The following DDX10 variants were observed in gnomAD, a reference collection of about 807,000 sequenced individuals.
DDX10 encodes the protein DEAD-box helicase 10, also known as probable ATP-dependent RNA helicase DDX10.
DDX10 carries 74 observed loss-of-function variants against 104.3 expected under a neutral mutation model. The observed-to-expected ratio is 0.71, with a 90% CI of 0.59 to 0.86. The LOEUF (loss-of-function observed/expected upper bound fraction) is 0.86. DDX10 is among the 40% of genes least tolerant of loss of function. The probability of loss-of-function intolerance (pLI) is 0.00; values close to 1 mark genes in which losing one functional copy is unlikely to be tolerated. For synonymous variants in DDX10, 351 were observed against 353.4 expected (o/e 0.99, Z 0.08); for missense variants, 952 against 1,040.0 (o/e 0.92, Z 1.16).
chr11:108,735,054 TTTAAA>T (rs1190678655), intron 13 of DDX10, among the ~76,000 whole-genome samples: 1 of 152,188 alleles, frequency 6.6e-6, no homozygotes, highest in African/African-American at 2.4e-5. Context: ...TTTCAACACT[TTTAAA>T]TTGTCCAAGC....
Position 108,877,126 on chromosome 11 carries a change from T to A in DDX10, c.2304+24917T>A, listed in dbSNP as rs770555531. Among the ~76,000 whole-genome samples the A allele has an allele frequency of 1.5e-3, 225 of 152,336 alleles. 4 individuals are homozygous for A. The Middle Eastern group carries it at 0.031, about 21-fold the overall frequency. On this transcript the variant is annotated intron_variant, in intron 16 of 17. Transcript: ENST00000322536. ...AAAACTCTGAATATATAGCCCCCATTGTGAAAAGCAAAAATGGATGAAATC... is the reference window on the plus strand; with the variant it reads ...AAAACTCTGAATATATAGCCCCCATAGTGAAAAGCAAAAATGGATGAAATC...
chr11:108,768,211 G>T (rs1183791916), intron 13 of DDX10, among the ~76,000 whole-genome samples: 1 of 152,164 alleles, frequency 6.6e-6, no homozygotes, highest in African/African-American at 2.4e-5. Flanking sequence ...TTGACTGCCT[G>T]CCTGGGGTGG....
chr11:108,831,878 T>A (rs978163092), intron 13 of DDX10, among the ~76,000 whole-genome samples: 4 of 152,158 alleles, frequency 2.6e-5, no homozygotes, highest in African/African-American at 9.6e-5. Flanking sequence ...CCAGATTATT[T>A]CCAGTAACTT....
chr11:108,732,169 G>A (rs2094313139), intron 13 of DDX10, among the ~76,000 whole-genome samples: 1 of 152,094 alleles, frequency 6.6e-6, no homozygotes, highest in South Asian at 2.1e-4. Flanking sequence ...TTATAATTAA[G>A]ACCATAATTA....
At chr11:108,746,090 A>G (rs986499412) in intron 13 of DDX10, among the ~76,000 whole-genome samples, 6 of 152,178 alleles carry the variant, frequency 3.9e-5, no homozygotes, top group African/African-American at 1.4e-4. Flanking sequence ...CCTTTCAGAC[A>G]TAAATAACCA....
At chr11:108,742,538 C>G (rs576695437) in intron 13 of DDX10, among the ~76,000 whole-genome samples, 1 of 152,182 alleles carries the variant, frequency 6.6e-6, no homozygotes, top group Non-Finnish European at 1.5e-5. Context: ...GCATGCCAGC[C>G]TGGGCAACAG....
chr11:108,831,313 A>G lies in DDX10; in HGVS notation c.1966-7133A>G, dbSNP rs1167419804. On this transcript the variant is annotated intron_variant, in intron 13 of 17. Coordinates refer to ENST00000322536, the MANE Select transcript of DDX10 (RefSeq NM_004398.4). ...CAGCTATTCGTGAGGCTGAGGCAGG[A>G]GAATCGCTTGAACCCAGGAAGCGGA... Among the ~76,000 whole-genome samples the G allele has an allele frequency of 5.3e-5, 8 of 150,682 alleles. No homozygotes were observed. In the Admixed American group the frequency reaches 5.3e-4, roughly 10 times the overall value.
chr11:108,890,436 T>C (rs1340760245), intron 16 of DDX10, among the ~76,000 whole-genome samples: 2 of 152,136 alleles, frequency 1.3e-5, no homozygotes, highest in African/African-American at 2.4e-5. Flanking sequence ...CGGCTATTCC[T>C]ATTCCAGAGC....
At chr11:108,924,843 T>A (rs1272646819) in intron 17 of DDX10, among the ~76,000 whole-genome samples, 1 of 152,254 alleles carries the variant, frequency 6.6e-6, no homozygotes, top group Non-Finnish European at 1.5e-5. Context: ...AAAGAGCTTT[T>A]TCTTAGTCTA....
intron 13 of DDX10, among the ~76,000 whole-genome samples, chr11:108,802,225 C>G (rs1357515367): frequency 6.6e-5 from 10 of 151,962 alleles, no homozygotes; most frequent in Admixed American, 6.6e-4. Context: ...TTATATTTAC[C>G]AGTTCAGCAT....
intron 11 of DDX10, among the ~76,000 whole-genome samples, chr11:108,719,365 C>T (rs539021912): frequency 6.6e-6 from 1 of 152,206 alleles, no homozygotes; most frequent in African/African-American, 2.4e-5. Flanking sequence ...ATTTTATTCT[C>T]ATAACACTCT....
chr11:108,864,176 C>T (rs940242590), intron 16 of DDX10, among the ~76,000 whole-genome samples: 4 of 152,002 alleles, frequency 2.6e-5, no homozygotes, highest in Non-Finnish European at 4.4e-5. Context: ...TATACGTTGC[C>T]TTTTTAGGCA....
intron 13 of DDX10, among the ~76,000 whole-genome samples, chr11:108,814,244 G>T (rs1398082943): frequency 6.6e-6 from 1 of 152,116 alleles, no homozygotes; most frequent in Non-Finnish European, 1.5e-5. Flanking sequence ...ACATGGCCTT[G>T]TCTAGTTTTA....
At position 108,677,153 on chromosome 11, in the gene DDX10, T is replaced by C. The variant is rs1467226224; in HGVS notation, c.447T>C (p.Pro149=). ...TDGLGVLIIS[P]TRELAYQTFE... ...GGCTGGGGGTTCTCATAATATCACC[T>C]ACGAGAGAACTGGCCTATCAGACCT... Residue 149 remains proline, a synonymous_variant, in exon 4 of 18, where the codon CCT becomes CCC. Coordinates refer to ENST00000322536, the MANE Select transcript of DDX10 (RefSeq NM_004398.4). 1 of 1,613,896 alleles carries C rather than the reference T, an allele frequency of 6.2e-7. No individual in the cohort carries two copies. The highest frequency in any genetic ancestry group is 8.5e-7 in the Non-Finnish European group (1 of 1,179,898).
At chr11:108,825,974 A>G (rs1485542674) in intron 13 of DDX10, among the ~76,000 whole-genome samples, 1 of 152,236 alleles carries the variant, frequency 6.6e-6, no homozygotes, top group Non-Finnish European at 1.5e-5. Context: ...GATTTTCTAG[A>G]TATAATTCAT....
chr11:108,805,251 A>G (rs1485986235), intron 13 of DDX10, among the ~76,000 whole-genome samples: 1 of 152,262 alleles, frequency 6.6e-6, no homozygotes, highest in Non-Finnish European at 1.5e-5. Flanking sequence ...GGTCTATCTC[A>G]TGAGACTAAG....
rs1222114146 is a variant in DDX10 at position 108,833,923 on chromosome 11, T to C, written c.1966-4523T>C. ...AACGCCCAACATTCCACCATTCATA[T>C]TCTACAGTTAACCTTTTACTGTATT... is the stretch of plus-strand genomic sequence containing the variant. On this transcript the variant is annotated intron_variant, in intron 13 of 17. Coordinates refer to ENST00000322536, the MANE Select transcript of DDX10 (RefSeq NM_004398.4). Among the ~76,000 whole-genome samples the C allele has an allele frequency of 2.0e-5, 3 of 152,170 alleles. No homozygotes were observed. The East Asian group carries it at 5.8e-4, about 29-fold the overall frequency.
intron 13 of DDX10, among the ~76,000 whole-genome samples, chr11:108,763,012 G>T (rs1403157718): frequency 6.6e-6 from 1 of 152,146 alleles, no homozygotes; most frequent in Non-Finnish European, 1.5e-5. Flanking sequence ...CAAAGTGATG[G>T]TAGAACATAT....
In DDX10 at chr11:108,917,543, A is replaced by G. The variant is rs374133382; in HGVS notation, c.2305-330A>G. On this transcript the variant is annotated intron_variant, in intron 16 of 17. Transcript: ENST00000322536. Reference sequence around the variant, plus strand: ...CATCCTCCTGAGTAGCTGGGATGACAGGAGCATGCCACAGCACCTGGCTTT... The same window carrying G: ...CATCCTCCTGAGTAGCTGGGATGACGGGAGCATGCCACAGCACCTGGCTTT... 7.2e-5 allele frequency among the ~76,000 whole-genome samples: 11 copies of G among 152,282 alleles called. No individual in the cohort carries two copies. In the East Asian group the frequency reaches 1.9e-3, roughly 27 times the overall value.
Sources: allele counts gnomAD v4.1 joint callset (sites outside exome capture counted in the v4.1 genomes callset), GRCh38; gene constraint gnomAD v4.1.1; transcripts MANE v1.5; gene names NCBI Gene and HGNC (gene_info 2026-07-23, HGNC 2026-07-21).